ANKS1B: variants seen among roughly 807,000 people sequenced by gnomAD.
ANKS1B encodes ankyrin repeat and sterile alpha motif domain containing 1B, also known as ankyrin repeat and sterile alpha motif domain-containing protein 1B.
Under a neutral mutation model 148.3 loss-of-function variants are expected in ANKS1B, and 36 were observed. The observed-to-expected ratio is 0.24, with a 90% CI of 0.19 to 0.32. The LOEUF (loss-of-function observed/expected upper bound fraction) is 0.32, where lower values mean the gene tolerates loss of function less well. Among genes scored for constraint, ANKS1B ranks in the 10% least tolerant of loss-of-function variants. The probability of loss-of-function intolerance (pLI) is 1.00; values close to 1 mark genes in which losing one functional copy is unlikely to be tolerated. For synonymous variants in ANKS1B, 542 were observed against 560.8 expected (o/e 0.97, Z 0.47); for missense variants, 1,157 against 1,542.6 (o/e 0.75, Z 4.19).
chr12:99,890,482 A>G (rs2093036712), intron 1 of ANKS1B, among the ~76,000 whole-genome samples: 2 of 152,156 alleles, frequency 1.3e-5, no homozygotes, highest in South Asian at 4.2e-4. Context: ...CCAGGCTCCC[A>G]GCTTGCCTTA....
At chr12:99,934,191 T>G (rs1168705035) in intron 1 of ANKS1B, among the ~76,000 whole-genome samples, 1 of 152,170 alleles carries the variant, frequency 6.6e-6, no homozygotes, top group Non-Finnish European at 1.5e-5. Flanking sequence ...TGTTGAGGAT[T>G]TCTGCATCAA....
At chr12:99,258,903 C>T (rs748755906) in intron 12 of ANKS1B, among the ~76,000 whole-genome samples, 1 of 152,092 alleles carries the variant, frequency 6.6e-6, no homozygotes, top group Non-Finnish European at 1.5e-5. Context: ...ATTACAAAGA[C>T]CAAGATTCCA....
At chr12:98,797,224 G>GAT (rs1310989274) in intron 22 of ANKS1B, among the ~76,000 whole-genome samples, 2 of 152,194 alleles carry the variant, frequency 1.3e-5, no homozygotes, top group Non-Finnish European at 2.9e-5. Flanking sequence ...AGTGTATCTA[G>GAT]TCTAATGTTC....
intron 9 of ANKS1B, among the ~76,000 whole-genome samples, chr12:99,558,409 G>C (rs909908611): frequency 6.6e-6 from 1 of 152,142 alleles, no homozygotes; most frequent in African/African-American, 2.4e-5. Context: ...TGGGATGGGA[G>C]GCAAGGTCTA....
intron 12 of ANKS1B, among the ~76,000 whole-genome samples, chr12:99,337,360 C>T (rs901412518): frequency 1.3e-5 from 2 of 151,940 alleles, no homozygotes; most frequent in African/African-American, 4.8e-5. Context: ...AATTATTTGT[C>T]TTTTTGTTAA....
chr12:98,935,837 A>G (rs182502684), intron 17 of ANKS1B, among the ~76,000 whole-genome samples: 2 of 152,326 alleles, frequency 1.3e-5, no homozygotes, highest in Admixed American at 1.3e-4. Context: ...AATACTTGCT[A>G]CAAATCGAGT....
At chr12:98,848,582 G>A (rs144697065) in intron 17 of ANKS1B, among the ~76,000 whole-genome samples, 3,248 of 146,724 alleles carry the variant, frequency 0.022, 96 homozygotes, top group African/African-American at 0.07. Flanking sequence ...TTTTTGATGC[G>A]GAGTCTCGCT....
intron 14 of ANKS1B, among the ~76,000 whole-genome samples, chr12:99,201,984 C>T (rs2082124307): frequency 6.6e-6 from 1 of 151,838 alleles, no homozygotes; most frequent in Non-Finnish European, 1.5e-5. Flanking sequence ...GTACCATGTA[C>T]CAGGGCACTA....
chr12:99,321,380 T>C (rs1272744255), intron 12 of ANKS1B, among the ~76,000 whole-genome samples: 1 of 152,178 alleles, frequency 6.6e-6, no homozygotes, highest in Non-Finnish European at 1.5e-5. Flanking sequence ...GCCACTTTGT[T>C]TACCTACTCA....
At chr12:99,779,717 T>G (rs1320067035) in intron 6 of ANKS1B, among the ~76,000 whole-genome samples, 154 bp downstream of exon 6, 1 of 152,116 alleles carries the variant, frequency 6.6e-6, no homozygotes, top group Non-Finnish European at 1.5e-5. Context: ...CATTAAAAGG[T>G]ATTATTATTT....
At chr12:98,927,057 A>T (rs192412319) in intron 17 of ANKS1B, among the ~76,000 whole-genome samples, 26 of 152,272 alleles carry the variant, frequency 1.7e-4, no homozygotes, top group Admixed American at 1.2e-3. Context: ...AGAGATCCTT[A>T]CTTTACTACA....
chr12:98,819,350 C>A (rs76370583), intron 19 of ANKS1B, among the ~76,000 whole-genome samples: 1 of 152,110 alleles, frequency 6.6e-6, no homozygotes, highest in Non-Finnish European at 1.5e-5. Context: ...GGATGCTGTA[C>A]GGCCCACATC....
At chr12:99,981,170 T>C (rs2095697303) in intron 1 of ANKS1B, among the ~76,000 whole-genome samples, 1 of 152,126 alleles carries the variant, frequency 6.6e-6, no homozygotes, top group African/African-American at 2.4e-5. Flanking sequence ...ATATGCTAAA[T>C]GTTTTGCATT....
intron 1 of ANKS1B, among the ~76,000 whole-genome samples, chr12:99,978,253 C>T (rs2095652000): frequency 6.6e-6 from 1 of 152,202 alleles, no homozygotes; most frequent in Non-Finnish European, 1.5e-5. Flanking sequence ...TCGAGTCACA[C>T]AAGAAACTGT....
intron 1 of ANKS1B, among the ~76,000 whole-genome samples, chr12:99,911,895 A>G (rs962332698): frequency 6.6e-6 from 1 of 152,248 alleles, no homozygotes; most frequent in African/African-American, 2.4e-5. Flanking sequence ...AAATATTAAC[A>G]ATAATATCTT....
intron 17 of ANKS1B, among the ~76,000 whole-genome samples, chr12:98,968,175 A>G (rs1425446199): frequency 6.6e-6 from 1 of 152,174 alleles, no homozygotes; most frequent in Non-Finnish European, 1.5e-5. Context: ...GTGATCTTTC[A>G]TAAGAAAAAC....
chr12:99,222,617 A>G (rs968632978), intron 14 of ANKS1B, among the ~76,000 whole-genome samples: 6 of 152,204 alleles, frequency 3.9e-5, no homozygotes, highest in African/African-American at 1.2e-4. Flanking sequence ...CCCTGTCTCA[A>G]AAACAAACAA....
intron 8 of ANKS1B, among the ~76,000 whole-genome samples, chr12:99,658,089 C>T (rs1350594292): frequency 1.3e-5 from 2 of 152,082 alleles, no homozygotes; most frequent in Non-Finnish European, 2.9e-5. Context: ...GAATTGTTTA[C>T]CCTTGCCTAA....
chr12:99,606,373 T>C (rs1430694936), intron 9 of ANKS1B, among the ~76,000 whole-genome samples: 1 of 151,990 alleles, frequency 6.6e-6, no homozygotes, highest in Non-Finnish European at 1.5e-5. Context: ...CTTTATAATT[T>C]CTAGTATTTT....
Sources: gnomAD v4.1 joint callset for allele counts (sites outside exome capture counted in the v4.1 genomes callset) on GRCh38, gnomAD v4.1.1 for gene constraint, MANE v1.5 for transcripts, NCBI Gene and HGNC (gene_info 2026-07-23, HGNC 2026-07-21) for gene names.